Variants in NAA16 observed in about 807,000 individuals in gnomAD.
NAA16 encodes the protein NARG1-like protein.
A neutral mutation model predicts 110.3 loss-of-function variants in NAA16; 97 were observed. That is an observed-to-expected ratio of 0.88 (90% CI 0.75 to 1.04). NAA16 has a LOEUF of 1.04. Ranked by LOEUF, NAA16 falls within the 50% of genes least tolerant of loss-of-function variation. The pLI is 0.00. For synonymous variants in NAA16, 372 were observed against 330.6 expected (o/e 1.13, Z -1.36); for missense variants, 1,017 against 1,005.1 (o/e 1.01, Z -0.16).
At chr13:41,323,362 T>C (rs2139386964) in intron 5 of NAA16, among the ~76,000 whole-genome samples, 172 bp downstream of exon 5, 1 of 152,032 alleles carries the variant, frequency 6.6e-6, no homozygotes, top group Non-Finnish European at 1.5e-5. Flanking sequence ...TCTTTTTTTT[T>C]TTTTCCGAGA....
intron 9 of NAA16, chr13:41,354,510 G>A (rs1379960761): frequency 3.9e-5 from 6 of 152,164 alleles, no homozygotes; most frequent in Non-Finnish European, 8.8e-5. Context: ...TGAAAATAAA[G>A]ATGTCAAAGC....
chr13:41,373,834 A>T (rs1358257832), intron 18 of NAA16, 54 bp downstream of exon 18: 2 of 1,533,544 alleles, frequency 1.3e-6, no homozygotes, highest in East Asian at 4.6e-5. Context: ...GAACAAAGAG[A>T]AAGCTTTGAC....
At position 41,335,613 on chromosome 13, in the gene NAA16, T is replaced by G. The variant is rs148540910; in HGVS notation, c.908-1037T>G. 3.5e-3 allele frequency among the ~76,000 whole-genome samples: 534 copies of G among 152,300 alleles called. 4 individuals are homozygous for G. The highest frequency in any genetic ancestry group is 0.011 in the African/African-American group (472 of 41,582). Reference sequence around the variant, plus strand: ...GATTTTTCAAAAGACCAGTATTTTGTGTATGATCTAATAAGAGATTAGAGA... The same window carrying G: ...GATTTTTCAAAAGACCAGTATTTTGGGTATGATCTAATAAGAGATTAGAGA... On this transcript the variant is annotated intron_variant, in intron 8 of 19. Transcript: ENST00000379406.
chr13:41,321,842 A>T (rs1403206268), intron 4 of NAA16, among the ~76,000 whole-genome samples: 1 of 152,060 alleles, frequency 6.6e-6, no homozygotes, highest in African/African-American at 2.4e-5. Flanking sequence ...TATACTTCTT[A>T]CTTTTGCCCT....
chr13:41,343,233 T>TAGAGC (rs1331792000), intron 9 of NAA16, among the ~76,000 whole-genome samples: 1 of 152,024 alleles, frequency 6.6e-6, no homozygotes, highest in African/African-American at 2.4e-5. Flanking sequence ...GCCTCTTGAG[T>TAGAGC]AGACGCGTGC....
intron 3 of NAA16, 30 bp from the exon 4 acceptor site, chr13:41,320,637 G>A (rs755370129): frequency 1.9e-6 from 3 of 1,562,270 alleles, no homozygotes; most frequent in East Asian, 2.3e-5. Context: ...TCTAGTGTCT[G>A]TGTATGTCTT....
At position 41,375,688 on chromosome 13, in the gene NAA16, G is replaced by C. The variant is rs2043416050; in HGVS notation, c.*86G>C. 4.1e-6 allele frequency: 4 copies of C among 987,632 alleles called. No individual in the cohort carries two copies. The Admixed American group carries it at 1.0e-4, about 25-fold the overall frequency. 61.2% of individuals were successfully genotyped at this position (987,632 alleles called of 1,614,324 possible). A position where few individuals can be genotyped will look rare whatever the true frequency, so the allele number is the denominator to read the frequency against. On this transcript the variant is annotated 3_prime_UTR_variant, in exon 20 of 20. Coordinates refer to ENST00000379406, the MANE Select transcript of NAA16 (RefSeq NM_024561.5). ...CCAGGGTGCATTTTAATATACGTATGAAATGAAATATTTGGTTAGGATTTT... is the reference window on the plus strand; with the variant it reads ...CCAGGGTGCATTTTAATATACGTATCAAATGAAATATTTGGTTAGGATTTT...
At chr13:41,366,558 C>T (rs1383936529) in intron 13 of NAA16, among the ~76,000 whole-genome samples, 1 of 152,064 alleles carries the variant, frequency 6.6e-6, no homozygotes, top group Non-Finnish European at 1.5e-5. Context: ...TTAGTGTTCA[C>T]CTTTCATGGA....
chr13:41,323,541 A>G (rs1313156603), intron 5 of NAA16, among the ~76,000 whole-genome samples: 4 of 151,360 alleles, frequency 2.6e-5, no homozygotes, highest in Non-Finnish European at 4.4e-5. Flanking sequence ...TTAAGTAGAG[A>G]CAGGGTTTCA....
At chr13:41,369,837 A>G (rs1387683082) in intron 15 of NAA16, among the ~76,000 whole-genome samples, 2 of 152,216 alleles carry the variant, frequency 1.3e-5, no homozygotes, top group Non-Finnish European at 2.9e-5. Context: ...CTCCAAAGGA[A>G]ATGCAGTCCT....
At chr13:41,330,660 C>T (rs907452611) in intron 7 of NAA16, among the ~76,000 whole-genome samples, 3 of 151,918 alleles carry the variant, frequency 2.0e-5, no homozygotes, top group African/African-American at 7.2e-5. Flanking sequence ...ATAGATACAT[C>T]CTTTATGTGG....
In NAA16 at chr13:41,367,536, A is replaced by T; in HGVS notation, c.1637A>T (p.Asp546Val). ...TATGTTGACCTTTTGAGATTAGAAG[A>T]TATACTCAGAAGACATGCCTTTTAT... ...RAYVDLLRLE[D>V]ILRRHAFYFK... The change falls in exon 14 of 20, where the codon GAT becomes GTT. Residue 546 changes from aspartate (D) to valine (V), a missense_variant. Transcript: ENST00000379406. The T allele has an allele frequency of 6.2e-7, 1 of 1,612,858 alleles. No homozygotes were observed. Among genetic ancestry groups the T allele is most frequent in the South Asian group, 1.1e-5 (1 of 91,042 alleles).
intron 6 of NAA16, 69 bp downstream of exon 6, chr13:41,325,920 C>G: frequency 7.8e-7 from 1 of 1,278,288 alleles, no homozygotes; most frequent in Non-Finnish European, 1.1e-6. Flanking sequence ...TTATTCTCTC[C>G]TAAGTCTTAC....
At chr13:41,311,867 C>T (rs2041597253) in intron 1 of NAA16, among the ~76,000 whole-genome samples, 1 of 152,262 alleles carries the variant, frequency 6.6e-6, no homozygotes. Flanking sequence ...TGCCCGGGCA[C>T]AGCCGCCTCG....
intron 7 of NAA16, among the ~76,000 whole-genome samples, chr13:41,330,402 C>T (rs1051372873): frequency 6.6e-6 from 1 of 151,990 alleles, no homozygotes; most frequent in Non-Finnish European, 1.5e-5. Flanking sequence ...TGTCTGCTAG[C>T]ACCCAGGGTT....
rs557005887 is a variant in NAA16, at chr13:41,320,696, T to A, written c.274T>A (p.Ser92Thr). 30 of 1,611,880 alleles carry A rather than the reference T, an allele frequency of 1.9e-5. No homozygotes were observed. In the South Asian group the frequency reaches 3.1e-4, roughly 17 times the overall value. Residue 92 changes from serine (S) to threonine (T), a missense_variant, in exon 4 of 20, where the codon TCT becomes ACT. Coordinates refer to ENST00000379406, the MANE Select transcript of NAA16 (RefSeq NM_024561.5). The part of the protein sequence containing the change: ...CWHVYGLLQR[S>T]DKKYDEAIKC... ...GCATGTATATGGACTCTTGCAGCGT[T>A]CTGATAAAAAATATGATGAAGCTAT... is the stretch of plus-strand genomic sequence containing the variant.
At chr13:41,319,561 G>T (rs1313156773) in intron 3 of NAA16, among the ~76,000 whole-genome samples, 1 of 151,994 alleles carries the variant, frequency 6.6e-6, no homozygotes, top group Non-Finnish European at 1.5e-5. Flanking sequence ...CTGTCACCCA[G>T]GCTAGAGTGC....
At chr13:41,313,400 C>G (rs956837804) in intron 1 of NAA16, among the ~76,000 whole-genome samples, 1 of 152,102 alleles carries the variant, frequency 6.6e-6, no homozygotes, top group Non-Finnish European at 1.5e-5. Flanking sequence ...ATGTTTCTGA[C>G]AAGGTTGCGT....
Position 41,375,487 on chromosome 13 carries a change from G to T in NAA16, c.2480G>T (p.Cys827Phe). The T allele has an allele frequency of 6.2e-7, 1 of 1,614,098 alleles. No individual in the cohort carries two copies. The change falls in exon 20 of 20, where the codon TGT (cysteine) becomes TTT (phenylalanine). Residue 827 changes from cysteine (C) to phenylalanine (F), a missense_variant. Cys to Phe is a radical substitution (Grantham distance 205). Transcript: ENST00000379406. ...CAATATGAAGAATATAGGATGGCCT[G>T]TCATAACCTGCTTCCTTTTACATCT... ...SSQYEEYRMA[C>F]HNLLPFTSAF... is the part of the protein sequence containing the mutation.
Sources: gnomAD v4.1 joint callset for allele counts (sites outside exome capture counted in the v4.1 genomes callset) on GRCh38, gnomAD v4.1.1 for gene constraint, MANE v1.5 for transcripts, NCBI Gene and HGNC (gene_info 2026-07-23, HGNC 2026-07-21) for gene names.